Variants in PCNX3 observed in about 807,000 individuals in gnomAD.
PCNX3 encodes the protein pecanex-like protein 3.
Under a neutral mutation model 207.2 loss-of-function variants are expected in PCNX3, and 58 were observed. The observed-to-expected ratio is 0.28, with a 90% confidence interval of 0.23 to 0.35. The LOEUF is 0.35. Among genes scored for constraint, PCNX3 ranks in the 10% least tolerant of loss-of-function variants. PCNX3 has a pLI of 1.00. For missense variants in PCNX3, 2,410 were observed against 2,774.4 expected, an observed-to-expected ratio of 0.87 and a Z score of 2.95; for synonymous variants, 1,337 against 1,183.5, an observed-to-expected ratio of 1.13 and a Z score of -2.66.
In PCNX3 at chr11:65,617,958, C is replaced by T. The variant is rs376254071; in HGVS notation, c.596C>T (p.Thr199Met). ...QEKLIGDLPQ[T>M]PPGAVPDPSL... ...TTGGCAGTTGGAGACCTTCCCCAGA[C>T]GCCTCCAGGGGCTGTCCCAGACCCC... The change falls in exon 6 of 35, where the codon ACG becomes ATG. Residue 199 changes from threonine (T) to methionine (M), a missense_variant. Around this residue, in one of 8 missense-constraint regions of PCNX3, gnomAD observed 1,104 missense variants for 970.3 expected, o/e 1.14. Transcript: ENST00000355703. 157 of 1,578,888 alleles carry T rather than the reference C, an allele frequency of 9.9e-5. No individual in the cohort carries two copies. Among genetic ancestry groups the T allele is most frequent in the East Asian group, 2.7e-4 (12 of 44,468 alleles).
In PCNX3 at chr11:65,636,334, C is replaced by T. The variant is rs780890043; in HGVS notation, c.5593+27C>T. The T allele has an allele frequency of 4.8e-5, 78 of 1,608,724 alleles. 1 individual carries two copies. The highest frequency in any genetic ancestry group is 1.8e-4 in the East Asian group (8 of 44,808). ...TGAGCAGGCGAGGCTGGGCTGAACC[C>T]GTGGGTGAGGAGTGCAGCCCAGCTG... On this transcript the variant is annotated intron_variant, in intron 33 of 34. Transcript: ENST00000355703.
In PCNX3 at chr11:65,625,507, G is replaced by A. The variant is rs1855340069; in HGVS notation, c.3132G>A (p.Ser1044=). 1.9e-6 allele frequency: 3 copies of A among 1,601,230 alleles called. No individual in the cohort carries two copies. The highest frequency in any genetic ancestry group is 1.7e-5 in the Admixed American group (1 of 59,864). ...PDPLPDKMRQ[S]VREVLHSDLV... is the part of the protein sequence containing the mutation. ...CCTTGCCGGACAAGATGCGCCAGTC[G>A]GTGGTGAGGGGGCGGGGGGTGGGGG... Residue 1044 remains serine, a synonymous_variant, in exon 18 of 35, where the codon TCG becomes TCA. Transcript: ENST00000355703. This position sits in a 1 kb window ranked among gnomAD's most constrained non-coding sequence, Gnocchi z 5.6.
chr11:65,634,555 G>C lies in PCNX3; in HGVS notation c.4719G>C (p.Trp1573Cys). The C allele has an allele frequency of 6.3e-7, 1 of 1,599,950 alleles. No homozygotes were observed. The highest frequency in any genetic ancestry group is 8.5e-7 in the Non-Finnish European group (1 of 1,176,254). The change falls in exon 29 of 35, where the codon TGG (tryptophan) becomes TGC (cysteine). Residue 1573 changes from tryptophan to cysteine, a missense_variant. Transcript: ENST00000355703. ...TGCCACAGCCCGTGGACCAGGATTG[G>C]AACTCCCCGCTGGTCACGCTGTGTT... ...SRRSQPVDQD[W>C]NSPLVTLCFG...
rs1200997610 is a variant in PCNX3 at position 65,624,484 on chromosome 11, C to T, written c.2730C>T (p.Cys910=). 1.2e-6 allele frequency: 2 copies of T among 1,601,136 alleles called. No homozygotes were observed. Among genetic ancestry groups the T allele is most frequent in the Non-Finnish European group, 1.7e-6 (2 of 1,173,672 alleles). ...ARDVATVFTL[C]FPFVFLLGLL... ...CCTCCCTGCCAGTGTTCACCCTGTG[C>T]TTCCCCTTCGTCTTCCTCCTGGGCC... Residue 910 remains cysteine, a synonymous_variant, in exon 15 of 35, where the codon TGC becomes TGT. Coordinates refer to ENST00000355703, the MANE Select transcript of PCNX3 (RefSeq NM_032223.4).
chr11:65,625,469 G>A lies in PCNX3; in HGVS notation c.3094G>A (p.Glu1032Lys), dbSNP rs370983977. The A allele has an allele frequency of 9.4e-6, 15 of 1,601,542 alleles. No individual in the cohort carries two copies. Among genetic ancestry groups the A allele is most frequent in the East Asian group, 2.2e-5 (1 of 44,452 alleles). Residue 1032 changes from glutamate to lysine, a missense_variant, in exon 18 of 35, where the codon GAG becomes AAG. Glu to Lys is a moderately conservative substitution (Grantham distance 56). Around this residue, in one of 8 missense-constraint regions of PCNX3, gnomAD observed 333 missense variants for 386.8 expected, o/e 0.86. Coordinates refer to ENST00000355703, the MANE Select transcript of PCNX3 (RefSeq NM_032223.4). The surrounding 1 kb of genome is among the most constrained non-coding windows in gnomAD (Gnocchi z 5.6). ...EERSLETARA[E>K]PPDPLPDKMR... ...GCGCAGCTTGGAGACAGCCCGGGCC[G>A]AGCCCCCGGACCCCTTGCCGGACAA... is the stretch of plus-strand genomic sequence containing the variant.
At position 65,636,950 on chromosome 11, in the gene PCNX3, C is replaced by T. The variant is rs1447482938; in HGVS notation, c.6077C>T (p.Ala2026Val). 6.4e-7 allele frequency: 1 copy of T among 1,569,142 alleles called. No homozygotes were observed. The change falls in exon 35 of 35, where the codon GCC becomes GTC. Residue 2026 changes from alanine to valine, a missense_variant. By Grantham distance (64) the Ala-to-Val change is moderately conservative. Around this residue, in one of 8 missense-constraint regions of PCNX3, gnomAD observed 278 missense variants for 245.1 expected, o/e 1.13. Coordinates refer to ENST00000355703, the MANE Select transcript of PCNX3 (RefSeq NM_032223.4). ...APIEERESPA[A>V]QPLLEHQY ...ATTGAGGAGCGTGAGAGCCCGGCAG[C>T]CCAGCCCCTGCTGGAACACCAGTAC... is the stretch of plus-strand genomic sequence containing the variant.
At chr11:65,616,743 C>G in intron 1 of PCNX3, 81 bp from the exon 2 acceptor site, 4 of 1,464,478 alleles carry the variant, frequency 2.7e-6, no homozygotes, top group East Asian at 4.6e-5. Flanking sequence ...GTCTGTGAAT[C>G]CCAGCTATGA....
At position 65,622,367 on chromosome 11, in the gene PCNX3, G is replaced by A; in HGVS notation, c.2357+1G>A. On this transcript the variant is annotated splice_donor_variant, in intron 11 of 34. Coordinates refer to ENST00000355703, the MANE Select transcript of PCNX3 (RefSeq NM_032223.4). LOFTEE classifies it high-confidence loss of function. ...TTGCCCTGCTGGCTCTGCTGGACCG[G>A]TGAGTGTCCCGCAGCCTTGGCCCCC... is the stretch of plus-strand genomic sequence containing the variant. 6.3e-7 allele frequency: 1 copy of A among 1,591,534 alleles called. No homozygotes were observed. The highest frequency in any genetic ancestry group is 1.1e-5 in the South Asian group (1 of 87,392).
chr11:65,618,078 C>T lies in PCNX3; in HGVS notation c.716C>T (p.Pro239Leu), dbSNP rs766447798. Reference protein sequence around the residue: ...GSSMADTPMSPLLKGSLSQEL... With the variant: ...GSSMADTPMSLLLKGSLSQEL... ...AGCATGGCTGACACTCCCATGAGCC[C>T]CCTGCTGAAGGGGAGCCTCAGCCAG... The change falls in exon 6 of 35, where the codon CCC (proline) becomes CTC (leucine). Residue 239 changes from proline to leucine, a missense_variant. Physicochemically the swap from Pro to Leu is moderately conservative, Grantham distance 98. This residue lies in a region of PCNX3 where 1,104 missense variants were observed against 970.3 expected (regional missense o/e 1.14). Transcript: ENST00000355703. 51 of 1,608,224 alleles carry T rather than the reference C, an allele frequency of 3.2e-5. 1 individual carries two copies. In the Admixed American group the frequency reaches 7.9e-4, roughly 25 times the overall value.
intron 29 of PCNX3, 27 bp downstream of exon 29, chr11:65,634,668 C>G: frequency 1.3e-6 from 2 of 1,530,116 alleles, no homozygotes; most frequent in South Asian, 2.4e-5. Flanking sequence ...CCCGCGGGGC[C>G]TACTGCCGTC....
Position 65,625,454 on chromosome 11 carries a change from G to C in PCNX3, c.3079G>C (p.Glu1027Gln), listed in dbSNP as rs767856591. ...CCCTGAGCTGGAGGAGCGCAGCTTGGAGACAGCCCGGGCCGAGCCCCCGGA... is the reference window on the plus strand; with the variant it reads ...CCCTGAGCTGGAGGAGCGCAGCTTGCAGACAGCCCGGGCCGAGCCCCCGGA... ...LFPELEERSL[E>Q]TARAEPPDPL... Residue 1027 changes from glutamate (E) to glutamine (Q), a missense_variant, in exon 18 of 35, where the codon GAG becomes CAG. Transcript: ENST00000355703. The surrounding 1 kb of genome is among the most constrained non-coding windows in gnomAD (Gnocchi z 5.6). 1 of 1,605,022 alleles carries C rather than the reference G, an allele frequency of 6.2e-7. No individual in the cohort carries two copies. Among genetic ancestry groups the C allele is most frequent in the East Asian group, 2.2e-5 (1 of 44,782 alleles).
rs1253637616 is a variant in PCNX3, at chr11:65,636,415, C to T, written c.5618C>T (p.Pro1873Leu). The T allele has an allele frequency of 1.6e-5, 25 of 1,555,806 alleles. No homozygotes were observed. In the Admixed American group the frequency reaches 4.7e-4, roughly 29 times the overall value. ...GGCAATGGTGACCAACCCCTCCCAC[C>T]AGGCCCTGGCTGGGGGCCGCGGTCC... The part of the protein sequence containing the change: ...TAGNGDQPLP[P>L]GPGWGPRSSL... Residue 1873 changes from proline to leucine, a missense_variant, in exon 34 of 35, where the codon CCA becomes CTA. Transcript: ENST00000355703.
intron 10 of PCNX3, 104 bp from the exon 11 acceptor site, chr11:65,622,141 A>AT (rs1855138033): frequency 6.4e-6 from 9 of 1,405,322 alleles, no homozygotes; most frequent in Non-Finnish European, 6.6e-6. Context: ...GGTGTGCTGA[A>AT]GGGGGGTAAC....
Position 65,625,439 on chromosome 11 carries a change from G to A in PCNX3, c.3064G>A (p.Glu1022Lys), listed in dbSNP as rs1488421200. The part of the protein sequence containing the change: ...LIRSKLFPEL[E>K]ERSLETARAE... ...CCGGAGCAAGCTGTTCCCTGAGCTG[G>A]AGGAGCGCAGCTTGGAGACAGCCCG... The change falls in exon 18 of 35, where the codon GAG (glutamate) becomes AAG (lysine). Residue 1022 changes from glutamate to lysine, a missense_variant. Glu to Lys is a moderately conservative substitution (Grantham distance 56). Around this residue, in one of 8 missense-constraint regions of PCNX3, gnomAD observed 333 missense variants for 386.8 expected, o/e 0.86. Transcript: ENST00000355703. This position sits in a 1 kb window ranked among gnomAD's most constrained non-coding sequence, Gnocchi z 5.6. 6 of 1,605,856 alleles carry A rather than the reference G, an allele frequency of 3.7e-6. No individual in the cohort carries two copies. The highest frequency in any genetic ancestry group is 5.1e-6 in the Non-Finnish European group (6 of 1,179,244).
rs765903644 is a variant in PCNX3, at chr11:65,636,523, C to T, written c.5726C>T (p.Ser1909Leu). 25 of 1,585,064 alleles carry T rather than the reference C, an allele frequency of 1.6e-5. No homozygotes were observed. Among genetic ancestry groups the T allele is most frequent in the Admixed American group, 1.5e-4 (8 of 52,628 alleles). The change falls in exon 34 of 35, where the codon TCG becomes TTG. Residue 1909 changes from serine to leucine, a missense_variant. By Grantham distance (145) the Ser-to-Leu change is moderately radical. This residue lies in a region of PCNX3 where 278 missense variants were observed against 245.1 expected (regional missense o/e 1.13). Coordinates refer to ENST00000355703, the MANE Select transcript of PCNX3 (RefSeq NM_032223.4). ...PPRLPGPPPA[S>L]PIPTEGPRTS... The stretch of plus-strand genomic sequence containing the variant: ...CGGCTCCCTGGACCACCCCCTGCAT[C>T]GCCTATCCCCACAGAGGGTCCCCGG...
In PCNX3 at chr11:65,625,360, G is replaced by T; in HGVS notation, c.3030-45G>T. On this transcript the variant is annotated intron_variant, in intron 17 of 34. Coordinates refer to ENST00000355703, the MANE Select transcript of PCNX3 (RefSeq NM_032223.4). The surrounding 1 kb of genome is among the most constrained non-coding windows in gnomAD (Gnocchi z 5.6). ...GTGCATGTGCCCGTGACTGGGGCCG[G>T]GGGGAAGGAGGGGCGGCCTCCTCCT... 1 of 1,594,198 alleles carries T rather than the reference G, an allele frequency of 6.3e-7. No individual in the cohort carries two copies. Among genetic ancestry groups the T allele is most frequent in the Non-Finnish European group, 8.5e-7 (1 of 1,172,282 alleles).
intron 29 of PCNX3, 109 bp from the exon 30 acceptor site, chr11:65,634,864 G>A: frequency 7.0e-7 from 1 of 1,420,128 alleles, no homozygotes; most frequent in Non-Finnish European, 9.5e-7. Context: ...GTCAAGATGG[G>A]GAAACTGAGG....
Position 65,616,229 on chromosome 11 carries a change from C to T in PCNX3, c.-83C>T, listed in dbSNP as rs1034315174. 5 of 1,210,336 alleles carry T rather than the reference C, an allele frequency of 4.1e-6. No homozygotes were observed. Among genetic ancestry groups the T allele is most frequent in the Non-Finnish European group, 5.4e-6 (5 of 921,108 alleles). The allele number at this position is 1,210,336 out of a possible 1,614,324, so 75.0% of individuals were successfully genotyped here. A position where few individuals can be genotyped will look rare whatever the true frequency, so the allele number is the denominator to read the frequency against. On this transcript the variant is annotated 5_prime_UTR_variant, in exon 1 of 35. Transcript: ENST00000355703. ...GAGCGTGAGGCCGGGCCCCGGGGCC[C>T]TCAGGCGCCAGACGGGGCATGGGCC...
intron 27 of PCNX3, among the ~76,000 whole-genome samples, chr11:65,631,891 A>C (rs1855630148): frequency 6.6e-6 from 1 of 152,018 alleles, no homozygotes; most frequent in Admixed American, 6.5e-5. Context: ...AATCCTGTCC[A>C]CACCACATAT....
Sources: gnomAD v4.1 joint callset for allele counts (sites outside exome capture counted in the v4.1 genomes callset) on GRCh38, gnomAD v4.1.1 for gene constraint, gnomAD v4.1.1 regional missense constraint, Gnocchi (gnomAD v3.1) non-coding constraint, MANE v1.5 for transcripts, NCBI Gene and HGNC (gene_info 2026-07-23, HGNC 2026-07-21) for gene names.